The following TDRD3 variants were observed in gnomAD, a reference collection of about 807,000 sequenced individuals.
TDRD3 encodes tudor domain-containing protein 3.
Under a neutral mutation model 86.7 loss-of-function variants are expected in TDRD3, and 45 were observed. The observed-to-expected ratio is 0.52, with a 90% CI of 0.41 to 0.67. The LOEUF (loss-of-function observed/expected upper bound fraction) is 0.67, where lower values mean the gene tolerates loss of function less well. Ranked by LOEUF, TDRD3 falls within the 30% of genes least tolerant of loss-of-function variation. The probability of loss-of-function intolerance (pLI) is 0.00; values close to 1 mark genes in which losing one functional copy is unlikely to be tolerated. For synonymous variants in TDRD3, 298 were observed against 301.7 expected, an observed-to-expected ratio of 0.99 and a Z score of 0.13; for missense variants, 814 against 889.0, an observed-to-expected ratio of 0.92 and a Z score of 1.07.
intron 1 of TDRD3, among the ~76,000 whole-genome samples, chr13:60,425,160 C>T (rs892024854): frequency 6.6e-6 from 1 of 152,072 alleles, no homozygotes; most frequent in African/African-American, 2.4e-5. Flanking sequence ...ATCTTTGAAA[C>T]AGAATACATT....
chr13:60,397,601 G>A (rs956773605), intron 1 of TDRD3, among the ~76,000 whole-genome samples, 196 bp downstream of exon 1: 1 of 146,656 alleles, frequency 6.8e-6, no homozygotes, highest in African/African-American at 2.4e-5. Flanking sequence ...GTCCCCTGGA[G>A]GCGGCGGCGG....
chr13:60,573,781 G>GA lies in TDRD3; in HGVS notation c.*182dup, dbSNP rs1773470395. On this transcript the variant is annotated 3_prime_UTR_variant, in exon 14 of 14. Transcript: ENST00000377881. The stretch of plus-strand genomic sequence containing the variant: ...AAACAGTCAACTCACACAAAGAATG[G>GA]AAAAAAATACTGAGTTAAATTAAGC... 4.5e-6 allele frequency: 2 copies of GA among 444,370 alleles called. No homozygotes were observed. Among genetic ancestry groups the GA allele is most frequent in the African/African-American group, 4.3e-5 (2 of 46,650 alleles). The allele number at this position is 444,370 out of a possible 1,614,324, so 27.5% of individuals were successfully genotyped here. A position where few individuals can be genotyped will look rare whatever the true frequency, so the allele number is the denominator to read the frequency against.
intron 4 of TDRD3, among the ~76,000 whole-genome samples, chr13:60,466,693 CAGG>C (rs1443981332): frequency 1.3e-5 from 2 of 151,834 alleles, no homozygotes; most frequent in African/African-American, 2.4e-5. Context: ...AAGGCTGAGA[CAGG>C]AGAATCACTT....
chr13:60,510,606 T>C (rs1428356780), intron 9 of TDRD3, 24 bp from the exon 10 acceptor site: 1 of 1,578,230 alleles, frequency 6.3e-7, no homozygotes, highest in East Asian at 2.3e-5. Flanking sequence ...ATACAGTACA[T>C]ATTTCTTGCT....
At chr13:60,499,075 G>A (rs1232360658) in intron 8 of TDRD3, among the ~76,000 whole-genome samples, 1 of 152,164 alleles carries the variant, frequency 6.6e-6, no homozygotes, top group Non-Finnish European at 1.5e-5. Flanking sequence ...GGTGGAAAAG[G>A]CCAAATGGAA....
Position 60,465,342 on chromosome 13 carries a change from G to A in TDRD3, c.354-1896G>A, listed in dbSNP as rs188406659. Among the ~76,000 whole-genome samples, 7 of 152,286 alleles carry A rather than the reference G, an allele frequency of 4.6e-5. No homozygotes were observed. In the East Asian group the frequency reaches 1.3e-3, roughly 29 times the overall value. On this transcript the variant is annotated intron_variant, in intron 4 of 13. Coordinates refer to ENST00000377881, the MANE Select transcript of TDRD3 (RefSeq NM_001146070.2). The stretch of plus-strand genomic sequence containing the variant: ...GAAAATCTGAATTTGCTGATTGTCT[G>A]GAATTGGGAACGCTTCTTCACTATT...
chr13:60,455,336 C>G (rs761669070), intron 3 of TDRD3, among the ~76,000 whole-genome samples: 6 of 152,186 alleles, frequency 3.9e-5, no homozygotes, highest in Non-Finnish European at 8.8e-5. Flanking sequence ...GCTTTTAAAG[C>G]AGCTATAGGC....
intron 3 of TDRD3, among the ~76,000 whole-genome samples, chr13:60,446,547 T>C (rs917152293): frequency 1.3e-4 from 20 of 152,148 alleles, no homozygotes; most frequent in Non-Finnish European, 1.5e-5. Context: ...ATTATTCTTA[T>C]ATGTCATATA....
intron 6 of TDRD3, 105 bp downstream of exon 6, chr13:60,483,951 A>C: frequency 9.4e-7 from 1 of 1,065,254 alleles, no homozygotes; most frequent in Non-Finnish European, 1.3e-6. Flanking sequence ...GAGGTTATGG[A>C]GTTATTTGGA....
At chr13:60,397,541 C>G (rs1358550301) in intron 1 of TDRD3, 136 bp downstream of exon 1, 1 of 609,178 alleles carries the variant, frequency 1.6e-6, no homozygotes, top group African/African-American at 1.9e-5. Flanking sequence ...CCGGGCCCTT[C>G]GGGCCGGCTC....
At chr13:60,460,584 G>T in intron 4 of TDRD3, 44 bp downstream of exon 4, 2 of 1,478,380 alleles carry the variant, frequency 1.4e-6, no homozygotes, top group South Asian at 1.4e-5. Context: ...GAATGTTGAA[G>T]GTGCTATTCA....
intron 12 of TDRD3, among the ~76,000 whole-genome samples, chr13:60,552,203 G>T (rs77290482): frequency 0.012 from 1,881 of 152,300 alleles, 40 homozygotes; most frequent in African/African-American, 0.043. Context: ...AAAATCAAAA[G>T]CAACTTAGTT....
intron 5 of TDRD3, among the ~76,000 whole-genome samples, chr13:60,469,699 A>G (rs924834661): frequency 2.0e-5 from 3 of 152,204 alleles, no homozygotes; most frequent in Admixed American, 6.5e-5. Flanking sequence ...AGTGATATAC[A>G]TAGAAATTAT....
intron 12 of TDRD3, among the ~76,000 whole-genome samples, chr13:60,559,786 C>T (rs571860542): frequency 1.6e-4 from 24 of 152,056 alleles, no homozygotes; most frequent in African/African-American, 5.8e-4. Flanking sequence ...TTCAGTTATG[C>T]CAGATGAATG....
chr13:60,527,249 G>T (rs1957462269), intron 10 of TDRD3, among the ~76,000 whole-genome samples: 1 of 152,156 alleles, frequency 6.6e-6, no homozygotes, highest in Non-Finnish European at 1.5e-5. Context: ...GCCTCCAGTG[G>T]CTGTTTGGAA....
At chr13:60,481,369 A>G (rs1441483603) in intron 5 of TDRD3, among the ~76,000 whole-genome samples, 1 of 87,268 alleles carries the variant, frequency 1.1e-5, no homozygotes, top group African/African-American at 4.5e-5. Flanking sequence ...TTTTTGTATT[A>G]TATCTTCAAT....
chr13:60,499,418 A>G (rs147240876), intron 8 of TDRD3, among the ~76,000 whole-genome samples: 15 of 152,354 alleles, frequency 9.8e-5, no homozygotes, highest in African/African-American at 3.6e-4. Context: ...CATAAGGTCC[A>G]CCCGAAGCAA....
intron 1 of TDRD3, among the ~76,000 whole-genome samples, chr13:60,407,280 A>G (rs1954258326): frequency 6.6e-6 from 1 of 152,320 alleles, no homozygotes; most frequent in African/African-American, 2.4e-5. Context: ...CACAGTAGAC[A>G]CTTAAATACT....
intron 1 of TDRD3, among the ~76,000 whole-genome samples, chr13:60,424,282 A>G (rs1033168646): frequency 7.8e-6 from 1 of 128,904 alleles, no homozygotes; most frequent in African/African-American, 3.3e-5. Context: ...CGGCCTCCCA[A>G]AGCGCTGGAA....
Sources: allele counts gnomAD v4.1 joint callset (sites outside exome capture counted in the v4.1 genomes callset), GRCh38; gene constraint gnomAD v4.1.1; transcripts MANE v1.5; gene names NCBI Gene and HGNC (gene_info 2026-07-23, HGNC 2026-07-21).